Variants in KCNC1 observed in about 807,000 individuals in gnomAD.
KCNC1 encodes the protein potassium voltage-gated channel subfamily C member 1.
KCNC1 carries 8 observed loss-of-function variants against 43.4 expected under a neutral mutation model. The ratio of observed to expected loss-of-function variants is 0.18; its 90% confidence interval spans 0.11 to 0.33. The LOEUF (loss-of-function observed/expected upper bound fraction) is 0.33. KCNC1 is among the 10% of genes least tolerant of loss of function. The pLI is 1.00. For synonymous variants in KCNC1, 361 were observed against 360.5 expected, an observed-to-expected ratio of 1.00 and a Z score of -0.01; for missense variants, 420 against 836.0, an observed-to-expected ratio of 0.50 and a Z score of 6.14.
chr11:17,770,738 T>C (rs1453708789), intron 1 of KCNC1, among the ~76,000 whole-genome samples: 1 of 152,112 alleles, frequency 6.6e-6, no homozygotes, highest in African/African-American at 2.4e-5. Flanking sequence ...TTCTCATTGG[T>C]GCTGTCTGAG....
chr11:17,772,658 G>A, intron 2 of KCNC1, 60 bp downstream of exon 2: 1 of 1,580,466 alleles, frequency 6.3e-7, no homozygotes, highest in Non-Finnish European at 8.6e-7. Context: ...CTGTAGCGAT[G>A]ATTCCAGATC....
chr11:17,749,227 G>A (rs1015865765), intron 1 of KCNC1, among the ~76,000 whole-genome samples: 1 of 152,254 alleles, frequency 6.6e-6, no homozygotes, highest in Non-Finnish European at 1.5e-5. Flanking sequence ...CTGTGAGAAG[G>A]CAATAAGTCA....
intron 2 of KCNC1, chr11:17,775,689 C>A: frequency 2.0e-6 from 2 of 985,740 alleles, no homozygotes; most frequent in Non-Finnish European, 2.4e-6. Context: ...TGTCCATCTC[C>A]GCTCCTGTGA....
chr11:17,763,687 CAAAT>C (rs1454068246), intron 1 of KCNC1, among the ~76,000 whole-genome samples: 1 of 124,572 alleles, frequency 8.0e-6, no homozygotes, highest in Non-Finnish European at 1.7e-5. Flanking sequence ...CACACATGCA[CAAAT>C]ACACACCCTC....
rs956116622 is a variant in KCNC1 at position 17,773,839 on chromosome 11, G to A, written c.1504+1241G>A. ...GTAAGAAGGAGTGCCAGGTGAGCAG[G>A]AGGTTGACGTGACAGGTGGCATTTA... On this transcript the variant is annotated intron_variant, in intron 2 of 3. Transcript: ENST00000265969. The surrounding 1 kb of genome is among the most constrained non-coding windows in gnomAD (Gnocchi z 4.1). The A allele has an allele frequency of 9.1e-6, 9 of 985,442 alleles. No individual in the cohort carries two copies. Among genetic ancestry groups the A allele is most frequent in the Admixed American group, 1.2e-4 (2 of 16,276 alleles). The allele number at this position is 985,442 out of a possible 1,614,324, so 61.0% of individuals were successfully genotyped here.
chr11:17,749,278 G>T (rs912160310), intron 1 of KCNC1, among the ~76,000 whole-genome samples: 2 of 152,248 alleles, frequency 1.3e-5, no homozygotes, highest in South Asian at 2.1e-4. Flanking sequence ...GCACTGGTGC[G>T]CACGTGATGC....
intron 1 of KCNC1, among the ~76,000 whole-genome samples, chr11:17,747,812 C>G (rs545269378): frequency 6.6e-6 from 1 of 152,194 alleles, no homozygotes; most frequent in Non-Finnish European, 1.5e-5. Context: ...CTGGCCAGCC[C>G]CAGCCCTTCC....
At chr11:17,745,353 T>A (rs141931745) in intron 1 of KCNC1, among the ~76,000 whole-genome samples, 2 of 152,322 alleles carry the variant, frequency 1.3e-5, no homozygotes, top group Non-Finnish European at 2.9e-5. Flanking sequence ...GGAGTCATCC[T>A]GGACTCCTCT....
At chr11:17,768,002 C>T (rs1355602597) in intron 1 of KCNC1, among the ~76,000 whole-genome samples, 1 of 152,186 alleles carries the variant, frequency 6.6e-6, no homozygotes, top group Admixed American at 6.5e-5. Flanking sequence ...GAGATGAGAG[C>T]TCTGAGGGCT....
chr11:17,750,233 C>T (rs909509832), intron 1 of KCNC1, among the ~76,000 whole-genome samples: 1 of 152,206 alleles, frequency 6.6e-6, no homozygotes, highest in African/African-American at 2.4e-5. Context: ...AGGGCTGGAT[C>T]TGGTGACCTG....
Position 17,736,462 on chromosome 11 carries a change from C to A in KCNC1, c.460C>A (p.Arg154Ser), listed in dbSNP as rs757958268. The A allele has an allele frequency of 1.2e-6, 2 of 1,601,854 alleles. No individual in the cohort carries two copies. The highest frequency in any genetic ancestry group is 1.7e-6 in the Non-Finnish European group (2 of 1,177,448). Residue 154 changes from arginine to serine, a missense_variant, in exon 1 of 4, where the codon CGC (arginine) becomes AGC (serine). Around this residue, in one of 5 missense-constraint regions of KCNC1, gnomAD observed 151 missense variants for 216.7 expected, o/e 0.70. Coordinates refer to ENST00000265969, the MANE Select transcript of KCNC1 (RefSeq NM_001112741.2). This position sits in a 1 kb window ranked among gnomAD's most constrained non-coding sequence, Gnocchi z 9.3. ...DGEDELEMTKRLALSDSPDGR... is the reference protein window; with the variant it reads ...DGEDELEMTKSLALSDSPDGR... Reference sequence around the variant, plus strand: ...CGAGGACGAGCTGGAGATGACCAAGCGCCTGGCGCTCAGTGACTCCCCGGA... The same window carrying A: ...CGAGGACGAGCTGGAGATGACCAAGAGCCTGGCGCTCAGTGACTCCCCGGA...
intron 1 of KCNC1, among the ~76,000 whole-genome samples, chr11:17,750,635 A>C (rs1456819615): frequency 6.6e-6 from 1 of 152,112 alleles, no homozygotes; most frequent in Non-Finnish European, 1.5e-5. Flanking sequence ...CTGCCCTGCT[A>C]TTCCAGATCA....
intron 1 of KCNC1, among the ~76,000 whole-genome samples, chr11:17,748,327 G>T (rs1192674746): frequency 6.6e-6 from 1 of 152,150 alleles, no homozygotes; most frequent in Non-Finnish European, 1.5e-5. Flanking sequence ...GGTTCAAGGC[G>T]CAGCGAGGAG....
chr11:17,781,748 C>G lies in KCNC1; in HGVS notation c.*14C>G. On this transcript the variant is annotated 3_prime_UTR_variant, in exon 4 of 4. Transcript: ENST00000265969. This position sits in a 1 kb window ranked among gnomAD's most constrained non-coding sequence, Gnocchi z 5.1. ...AGAGTGACTTGACCAGGCGGCTTGGCCGAGGACACTGGTGGCTATTAAGCA... is the reference window on the plus strand; with the variant it reads ...AGAGTGACTTGACCAGGCGGCTTGGGCGAGGACACTGGTGGCTATTAAGCA... 1 of 1,543,494 alleles carries G rather than the reference C, an allele frequency of 6.5e-7. No individual in the cohort carries two copies. The highest frequency in any genetic ancestry group is 1.2e-5 in the South Asian group (1 of 83,882).
chr11:17,768,786 G>T (rs1849188287), intron 1 of KCNC1, among the ~76,000 whole-genome samples: 1 of 152,160 alleles, frequency 6.6e-6, no homozygotes, highest in Non-Finnish European at 1.5e-5. Flanking sequence ...AAAGGCCAGG[G>T]CAGGGGGTGC....
At chr11:17,766,885 C>T (rs1320921129) in intron 1 of KCNC1, among the ~76,000 whole-genome samples, 1 of 150,386 alleles carries the variant, frequency 6.6e-6, no homozygotes, top group Non-Finnish European at 1.5e-5. Flanking sequence ...CTTGGGAGGC[C>T]GAGTCTGGCA....
chr11:17,749,329 G>A (rs951796348), intron 1 of KCNC1, among the ~76,000 whole-genome samples: 4 of 152,234 alleles, frequency 2.6e-5, no homozygotes, highest in African/African-American at 9.6e-5. Flanking sequence ...GCATCTTTGT[G>A]GGATGCTCTG....
Position 17,779,400 on chromosome 11 carries a change from T to G in KCNC1, c.1505-56T>G. ...ACCCCGCTTCTGGCCTGTCCCCCCCTGCCCCCCACTAAACAGTTTTCAGTG... is the reference window on the plus strand; with the variant it reads ...ACCCCGCTTCTGGCCTGTCCCCCCCGGCCCCCCACTAAACAGTTTTCAGTG... On this transcript the variant is annotated intron_variant, in intron 2 of 3. Coordinates refer to ENST00000265969, the MANE Select transcript of KCNC1 (RefSeq NM_001112741.2). This position sits in a 1 kb window ranked among gnomAD's most constrained non-coding sequence, Gnocchi z 7.2. The G allele has an allele frequency of 1.7e-5, 21 of 1,215,186 alleles. No individual in the cohort carries two copies. The highest frequency in any genetic ancestry group is 3.2e-5 in the East Asian group (1 of 31,608). 75.3% of individuals were successfully genotyped at this position (1,215,186 alleles called of 1,614,324 possible). A position where few individuals can be genotyped will look rare whatever the true frequency, so the allele number is the denominator to read the frequency against.
chr11:17,781,048 C>T lies in KCNC1; in HGVS notation c.1694-622C>T, dbSNP rs1488850383. Reference sequence around the variant, plus strand: ...AATGCCCGAGGAGTGAGGGGAAAAGCAGGTAGACGGTTCCCAGTGTCTGTG... The same window carrying T: ...AATGCCCGAGGAGTGAGGGGAAAAGTAGGTAGACGGTTCCCAGTGTCTGTG... On this transcript the variant is annotated intron_variant, in intron 3 of 3. Coordinates refer to ENST00000265969, the MANE Select transcript of KCNC1 (RefSeq NM_001112741.2). This position sits in a 1 kb window ranked among gnomAD's most constrained non-coding sequence, Gnocchi z 5.1. The T allele has an allele frequency of 2.0e-5, 3 of 152,222 alleles. No homozygotes were observed. The highest frequency in any genetic ancestry group is 4.4e-5 in the Non-Finnish European group (3 of 68,084). 9.4% of individuals were successfully genotyped at this position (152,222 alleles called of 1,614,324 possible).
Sources: allele counts gnomAD v4.1 joint callset (sites outside exome capture counted in the v4.1 genomes callset), GRCh38; gene constraint gnomAD v4.1.1; regional missense constraint gnomAD v4.1.1; non-coding constraint Gnocchi (gnomAD v3.1); transcripts MANE v1.5; gene names NCBI Gene and HGNC (gene_info 2026-07-23, HGNC 2026-07-21).